RAB11FIP5: variants seen among roughly 807,000 people sequenced by gnomAD.
RAB11FIP5 encodes the protein RAB11 family interacting protein 5.
RAB11FIP5 carries 48 observed loss-of-function variants against 85.1 expected under a neutral mutation model. The observed-to-expected ratio is 0.56, with a 90% CI of 0.45 to 0.72. The LOEUF (loss-of-function observed/expected upper bound fraction) is 0.72, where lower values mean the gene tolerates loss of function less well. RAB11FIP5 is among the 30% of genes least tolerant of loss of function. RAB11FIP5 has a pLI of 0.00. For synonymous variants in RAB11FIP5, 729 were observed against 727.3 expected (o/e 1.00, Z -0.04); for missense variants, 1,491 against 1,687.0 (o/e 0.88, Z 2.04).
chr2:73,089,426 C>T lies in RAB11FIP5; in HGVS notation c.432-111G>A. The T allele has an allele frequency of 8.9e-7, 1 of 1,121,168 alleles. No individual in the cohort carries two copies. The highest frequency in any genetic ancestry group is 1.3e-6 in the Non-Finnish European group (1 of 743,796). 69.5% of individuals were successfully genotyped at this position (1,121,168 alleles called of 1,614,324 possible). A position where few individuals can be genotyped will look rare whatever the true frequency, so the allele number is the denominator to read the frequency against. On this transcript the variant is annotated intron_variant, in intron 1 of 5. Coordinates refer to ENST00000486777, the MANE Select transcript of RAB11FIP5 (RefSeq NM_001371272.1). The surrounding 1 kb of genome is among the most constrained non-coding windows in gnomAD (Gnocchi z 4.6). ...TCCTTGCTCTGAGAGCCACTGATAG[C>T]CTCTCCCCAAAGGCTCCTGCTCTGA...
chr2:73,103,258 G>A (rs762505111), intron 1 of RAB11FIP5, among the ~76,000 whole-genome samples: 1 of 152,160 alleles, frequency 6.6e-6, no homozygotes, highest in Non-Finnish European at 1.5e-5. Flanking sequence ...AACCTTTGGA[G>A]GGAGCCCAGG....
In RAB11FIP5 at chr2:73,088,221, T is replaced by C. The variant is rs373397434; in HGVS notation, c.1397A>G (p.His466Arg). 6.2e-7 allele frequency: 1 copy of C among 1,613,892 alleles called. No homozygotes were observed. The highest frequency in any genetic ancestry group is 1.7e-5 in the Admixed American group (1 of 60,026). ...CCGACTTAGGCCTTGGTGGTGGTGG[T>C]GGAAGAGACCCATCCGGGGCTTGCG... ...EERKPRMGLF[H>R]HHHQGLSRSE... Residue 466 changes from histidine to arginine, a missense_variant, in exon 3 of 6, where the codon CAC becomes CGC. His to Arg is a conservative substitution (Grantham distance 29). Coordinates refer to ENST00000486777, the MANE Select transcript of RAB11FIP5 (RefSeq NM_001371272.1).
At chr2:73,108,650 C>G (rs1032721453) in intron 1 of RAB11FIP5, among the ~76,000 whole-genome samples, 3 of 152,246 alleles carry the variant, frequency 2.0e-5, no homozygotes, top group Non-Finnish European at 2.9e-5. Context: ...AATGACCCAT[C>G]TGACCCCACA....
rs1559232929 is a variant in RAB11FIP5 at position 73,081,095 on chromosome 2, T to TCCTCCTCC, written c.2136_2137insGGAGGAGG (p.Arg713GlyfsTer37). 6.5e-6 allele frequency: 8 copies of TCCTCCTCC among 1,229,802 alleles called. No homozygotes were observed. The African/African-American group carries it at 1.1e-4, about 17-fold the overall frequency. 76.2% of individuals were successfully genotyped at this position (1,229,802 alleles called of 1,614,324 possible). A position where few individuals can be genotyped will look rare whatever the true frequency, so the allele number is the denominator to read the frequency against. ...TCCAGCCACACGCTGCTCCCACCTCTTCCTCCTCCTCCTCCTCCTCCTCCT... is the reference window on the plus strand; with the variant it reads ...TCCAGCCACACGCTGCTCCCACCTCTCCTCCTCCTCCTCCTCCTCCTCCTCCTCCTCCT... On this transcript the variant is annotated frameshift_variant, in exon 4 of 6. Coordinates refer to ENST00000486777, the MANE Select transcript of RAB11FIP5 (RefSeq NM_001371272.1). LOFTEE classifies it high-confidence loss of function. This position sits in a 1 kb window ranked among gnomAD's most constrained non-coding sequence, Gnocchi z 4.2.
At position 73,087,989 on chromosome 2, in the gene RAB11FIP5, C is replaced by T. The variant is rs2106109209; in HGVS notation, c.1568+61G>A. On this transcript the variant is annotated intron_variant, in intron 3 of 5. Transcript: ENST00000486777. ...ACTCCTTCCTCCCTGCCCCAGGGTC[C>T]AGGCAGCACACACCCCAGCATCCTC... is the stretch of plus-strand genomic sequence containing the variant. The T allele has an allele frequency of 3.4e-6, 5 of 1,471,138 alleles. No homozygotes were observed. In the South Asian group the frequency reaches 5.3e-5, roughly 16 times the overall value. The allele number at this position is 1,471,138 out of a possible 1,614,324, so 91.1% of individuals were successfully genotyped here.
Position 73,081,500 on chromosome 2 carries a change from CGGCAGCAGT to C in RAB11FIP5, c.1723_1731del (p.Thr575_Ala577del), listed in dbSNP as rs904382289. On this transcript the variant is annotated inframe_deletion, in exon 4 of 6. Coordinates refer to ENST00000486777, the MANE Select transcript of RAB11FIP5 (RefSeq NM_001371272.1). The surrounding 1 kb of genome is among the most constrained non-coding windows in gnomAD (Gnocchi z 4.2). ...TCAGGGGCGGCGGTGGTGGCGGCAG[CGGCAGCAGT>C]GGCAGCAGCGGGGGAGGCGGCTGCA... 2.2e-5 allele frequency: 27 copies of C among 1,233,824 alleles called. No homozygotes were observed. The highest frequency in any genetic ancestry group is 4.2e-5 in the Admixed American group (1 of 23,738). The allele number at this position is 1,233,824 out of a possible 1,614,324, so 76.4% of individuals were successfully genotyped here.
At chr2:73,093,703 G>T (rs1684264111) in intron 1 of RAB11FIP5, among the ~76,000 whole-genome samples, 2 of 152,218 alleles carry the variant, frequency 1.3e-5, no homozygotes, top group South Asian at 2.1e-4. Context: ...AAGCCTGGTT[G>T]GCAAAACCAG....
At chr2:73,083,168 G>A (rs1324462918) in intron 3 of RAB11FIP5, among the ~76,000 whole-genome samples, 2 of 152,250 alleles carry the variant, frequency 1.3e-5, no homozygotes, top group Non-Finnish European at 2.9e-5. Flanking sequence ...TAAGGAGTGT[G>A]GCTTGGGGTA....
At chr2:73,105,550 C>T (rs1684508112) in intron 1 of RAB11FIP5, among the ~76,000 whole-genome samples, 2 of 152,068 alleles carry the variant, frequency 1.3e-5, no homozygotes, top group East Asian at 1.9e-4. Context: ...GCCCTCACTC[C>T]ACTCCCGAGA....
Position 73,080,810 on chromosome 2 carries a change from C to T in RAB11FIP5, c.2422G>A (p.Ala808Thr). ...WERLPGPESA[A>T]EGQDDESSRG... is the part of the protein sequence containing the mutation. ...GAGGACTCATCGTCCTGGCCCTCAG[C>T]AGCGCTCTCTGGGCCCGGCAGCCTC... Residue 808 changes from alanine (A) to threonine (T), a missense_variant, in exon 4 of 6, where the codon GCT becomes ACT. Transcript: ENST00000486777. The T allele has an allele frequency of 8.1e-7, 1 of 1,232,416 alleles. No homozygotes were observed. The highest frequency in any genetic ancestry group is 1.5e-5 in the African/African-American group (1 of 64,538). 76.3% of individuals were successfully genotyped at this position (1,232,416 alleles called of 1,614,324 possible). A position where few individuals can be genotyped will look rare whatever the true frequency, so the allele number is the denominator to read the frequency against.
At chr2:73,084,877 A>C (rs13416407) in intron 3 of RAB11FIP5, among the ~76,000 whole-genome samples, 51,984 of 152,154 alleles carry the variant, frequency 0.34, 11,037 homozygotes, top group African/African-American at 0.59. Flanking sequence ...TCAGCCTTCC[A>C]TCCTGAGGCA....
chr2:73,084,556 G>A (rs765426737), intron 3 of RAB11FIP5, among the ~76,000 whole-genome samples: 28 of 152,180 alleles, frequency 1.8e-4, no homozygotes, highest in Non-Finnish European at 3.5e-4. Flanking sequence ...TTCAACCTGA[G>A]GGAATAAAAC....
rs889124186 is a variant in RAB11FIP5, at chr2:73,080,814, G to A, written c.2418C>T (p.Ser806=). 2.1e-5 allele frequency: 26 copies of A among 1,232,230 alleles called. No individual in the cohort carries two copies. The highest frequency in any genetic ancestry group is 8.2e-5 in the South Asian group (2 of 24,324). 76.3% of individuals were successfully genotyped at this position (1,232,230 alleles called of 1,614,324 possible). A position where few individuals can be genotyped will look rare whatever the true frequency, so the allele number is the denominator to read the frequency against. Residue 806 remains serine, a synonymous_variant, in exon 4 of 6, where the codon AGC becomes AGT. Transcript: ENST00000486777. ...ACTCATCGTCCTGGCCCTCAGCAGC[G>A]CTCTCTGGGCCCGGCAGCCTCTCCC... ...SVWERLPGPE[S]AAEGQDDESS...
At position 73,112,586 on chromosome 2, in the gene RAB11FIP5, G is replaced by A. The variant is rs561110981; in HGVS notation, c.192C>T (p.His64=). 48 of 1,597,866 alleles carry A rather than the reference G, an allele frequency of 3.0e-5. No individual in the cohort carries two copies. Among genetic ancestry groups the A allele is most frequent in the East Asian group, 1.1e-4 (5 of 43,638 alleles). ...ACTCCTCACGCCACTCGGGGCAGCC[G>A]TGCGTCTTCTCCACCACCGACGTAC... ...KYSTSVVEKT[H]GCPEWREECS... is the part of the protein sequence containing the mutation. Residue 64 remains histidine, a synonymous_variant, in exon 1 of 6, where the codon CAC becomes CAT. Transcript: ENST00000486777.
At chr2:73,100,345 T>C (rs976257334) in intron 1 of RAB11FIP5, among the ~76,000 whole-genome samples, 5 of 151,924 alleles carry the variant, frequency 3.3e-5, no homozygotes, top group Admixed American at 3.3e-4. Context: ...ACTGGTATCA[T>C]GGACAGCACC....
At position 73,089,384 on chromosome 2, in the gene RAB11FIP5, G is replaced by A. The variant is rs770363531; in HGVS notation, c.432-69C>T. The A allele has an allele frequency of 1.3e-5, 20 of 1,511,614 alleles. No homozygotes were observed. Among genetic ancestry groups the A allele is most frequent in the Admixed American group, 3.3e-5 (2 of 59,898 alleles). 93.6% of individuals were successfully genotyped at this position (1,511,614 alleles called of 1,614,324 possible). A position where few individuals can be genotyped will look rare whatever the true frequency, so the allele number is the denominator to read the frequency against. On this transcript the variant is annotated intron_variant, in intron 1 of 5. Transcript: ENST00000486777. This position sits in a 1 kb window ranked among gnomAD's most constrained non-coding sequence, Gnocchi z 4.6. ...GGAGCCTGGCTCCCGCCCGGTACCA[G>A]GCACTGCCCAGACCCCTCCTTGCTC...
intron 1 of RAB11FIP5, among the ~76,000 whole-genome samples, chr2:73,106,491 CT>C (rs1386522949): frequency 6.6e-6 from 1 of 152,192 alleles, no homozygotes; most frequent in Non-Finnish European, 1.5e-5. Flanking sequence ...GCTTCCCCCC[CT>C]TTGGAATCTC....
At position 73,079,933 on chromosome 2, in the gene RAB11FIP5, G is replaced by C; in HGVS notation, c.3299C>G (p.Pro1100Arg). 1 of 1,232,300 alleles carries C rather than the reference G, an allele frequency of 8.1e-7. No homozygotes were observed. Among genetic ancestry groups the C allele is most frequent in the Non-Finnish European group, 1.0e-6 (1 of 988,118 alleles). 76.3% of individuals were successfully genotyped at this position (1,232,300 alleles called of 1,614,324 possible). The stretch of plus-strand genomic sequence containing the variant: ...GGGCGGTGGAAAGTCAGGCTCTGGG[G>C]GAGTGGGCAGCTCTTCTGGACCAGA... ...IHSGPEELPT[P>R]PEPDFPPPPL... Residue 1100 changes from proline (P) to arginine (R), a missense_variant, in exon 4 of 6, where the codon CCC becomes CGC. Coordinates refer to ENST00000486777, the MANE Select transcript of RAB11FIP5 (RefSeq NM_001371272.1).
Position 73,080,584 on chromosome 2 carries a change from G to A in RAB11FIP5, c.2648C>T (p.Pro883Leu), listed in dbSNP as rs1023608440. 3.2e-6 allele frequency: 4 copies of A among 1,232,268 alleles called. No homozygotes were observed. In the African/African-American group the frequency reaches 4.7e-5, roughly 14 times the overall value. The allele number at this position is 1,232,268 out of a possible 1,614,324, so 76.3% of individuals were successfully genotyped here. The change falls in exon 4 of 6, where the codon CCC becomes CTC. Residue 883 changes from proline to leucine, a missense_variant. Around this residue, in one of 3 missense-constraint regions of RAB11FIP5, gnomAD observed 1,211 missense variants for 1,338.0 expected, o/e 0.91. Transcript: ENST00000486777. The stretch of plus-strand genomic sequence containing the variant: ...AGACACCCACTCGGGTTTAGGCTCG[G>A]GCTCCGGTGGGGGAAGCCCCTCGCT... ...KGSEGLPPPE[P>L]EPKPEWVSDK...
Sources: allele counts gnomAD v4.1 joint callset (sites outside exome capture counted in the v4.1 genomes callset), GRCh38; gene constraint gnomAD v4.1.1; regional missense constraint gnomAD v4.1.1; non-coding constraint Gnocchi (gnomAD v3.1); transcripts MANE v1.5; gene names NCBI Gene and HGNC (gene_info 2026-07-23, HGNC 2026-07-21).